Variants in CSMD3 observed in about 807,000 individuals in gnomAD.
CSMD3 encodes the protein CUB and Sushi multiple domains 3.
A neutral mutation model predicts 435.2 loss-of-function variants in CSMD3; 177 were observed. That is an observed-to-expected ratio of 0.41 (90% confidence interval 0.36 to 0.46). CSMD3 has a LOEUF of 0.46. Among genes scored for constraint, CSMD3 ranks in the 20% least tolerant of loss-of-function variants. The pLI, the probability that CSMD3 is intolerant of heterozygous loss-of-function variation, is 0.34. For missense variants in CSMD3, 4,265 were observed against 4,504.6 expected (o/e 0.95, Z 1.52); for synonymous variants, 1,656 against 1,520.5 (o/e 1.09, Z -2.07).
intron 5 of CSMD3, among the ~76,000 whole-genome samples, chr8:113,037,157 AGTTATTC>A: frequency 6.6e-6 from 1 of 152,168 alleles, no homozygotes; most frequent in African/African-American, 2.4e-5. Context: ...TTTGTATTCC[AGTTATTC>A]TAAGAGAAGG....
intron 3 of CSMD3, among the ~76,000 whole-genome samples, chr8:113,258,730 G>A (rs566176514): frequency 1.3e-4 from 20 of 152,232 alleles, no homozygotes; most frequent in Middle Eastern, 3.4e-3. Flanking sequence ...GTTTTGAGTA[G>A]GGAAGCGTTA....
intron 32 of CSMD3, among the ~76,000 whole-genome samples, chr8:112,458,226 C>G (rs1158636022): frequency 3.3e-5 from 5 of 151,400 alleles, no homozygotes; most frequent in Admixed American, 2.0e-4. Flanking sequence ...CACACACACA[C>G]AGAGAAACAG....
At chr8:112,459,528 T>C (rs916218398) in intron 32 of CSMD3, among the ~76,000 whole-genome samples, 82 of 152,126 alleles carry the variant, frequency 5.4e-4, no homozygotes, top group African/African-American at 2.0e-3. Flanking sequence ...TGTCAGTACA[T>C]GTAAATGTTT....
intron 13 of CSMD3, among the ~76,000 whole-genome samples, chr8:112,722,332 T>C (rs928176026): frequency 6.6e-6 from 1 of 152,082 alleles, no homozygotes; most frequent in African/African-American, 2.4e-5. Flanking sequence ...TTGGGCAAAC[T>C]GGGTATATTG....
At chr8:112,958,300 T>A (rs891814125) in intron 7 of CSMD3, among the ~76,000 whole-genome samples, 1 of 152,196 alleles carries the variant, frequency 6.6e-6, no homozygotes, top group Admixed American at 6.5e-5. Context: ...GCTAAACAAT[T>A]TTTAATCATT....
intron 35 of CSMD3, among the ~76,000 whole-genome samples, chr8:112,405,468 A>G (rs1173150473): frequency 6.6e-6 from 1 of 151,136 alleles, no homozygotes; most frequent in African/African-American, 2.4e-5. Context: ...TTCTATGTCT[A>G]TGGAACTCTA....
At chr8:112,565,368 T>C (rs1261566621) in intron 24 of CSMD3, among the ~76,000 whole-genome samples, 3 of 152,160 alleles carry the variant, frequency 2.0e-5, no homozygotes, top group Non-Finnish European at 4.4e-5. Flanking sequence ...AGTCATCTGA[T>C]AATTTTTTAC....
chr8:112,842,581 C>T (rs185031463), intron 11 of CSMD3, among the ~76,000 whole-genome samples: 1 of 151,816 alleles, frequency 6.6e-6, no homozygotes, highest in Admixed American at 6.6e-5. Flanking sequence ...GTTCTTACTG[C>T]ATATCTCATA....
chr8:112,317,751 C>T (rs929090687), intron 47 of CSMD3, among the ~76,000 whole-genome samples: 4 of 151,970 alleles, frequency 2.6e-5, no homozygotes, highest in Non-Finnish European at 4.4e-5. Flanking sequence ...ACCATCAAAG[C>T]CTCCTGCAAT....
chr8:112,410,168 A>G (rs918640303), intron 32 of CSMD3, among the ~76,000 whole-genome samples: 2 of 151,914 alleles, frequency 1.3e-5, no homozygotes, highest in African/African-American at 4.8e-5. Context: ...TATGGCAAAC[A>G]AAGCTATATG....
chr8:113,203,894 T>C (rs1305011589), intron 3 of CSMD3, among the ~76,000 whole-genome samples: 8 of 152,140 alleles, frequency 5.3e-5, no homozygotes, highest in Admixed American at 2.6e-4. Flanking sequence ...TTCATAAGTA[T>C]GCATCTATTT....
intron 1 of CSMD3, among the ~76,000 whole-genome samples, chr8:113,375,879 A>G (rs984148295): frequency 6.6e-6 from 1 of 152,316 alleles, no homozygotes; most frequent in East Asian, 1.9e-4. Flanking sequence ...AAAACTTAAA[A>G]TAAGTATCAG....
intron 32 of CSMD3, among the ~76,000 whole-genome samples, chr8:112,467,629 G>A (rs1818092014): frequency 6.6e-6 from 1 of 152,140 alleles, no homozygotes; most frequent in African/African-American, 2.4e-5. Context: ...CAGGGATTTT[G>A]CAGATGTGAT....
chr8:112,820,400 A>C (rs2079495899), intron 12 of CSMD3, among the ~76,000 whole-genome samples: 1 of 152,138 alleles, frequency 6.6e-6, no homozygotes, highest in Non-Finnish European at 1.5e-5. Flanking sequence ...TCACTACCTA[A>C]AAATTGTATA....
At chr8:112,253,609 C>T (rs1202053319) in intron 63 of CSMD3, among the ~76,000 whole-genome samples, 1 of 151,842 alleles carries the variant, frequency 6.6e-6, no homozygotes, top group Non-Finnish European at 1.5e-5. Context: ...CACTTTGGCT[C>T]CCCTTGGATC....
chr8:112,710,827 G>A (rs1298308693), intron 13 of CSMD3, among the ~76,000 whole-genome samples: 3 of 150,632 alleles, frequency 2.0e-5, no homozygotes, highest in Non-Finnish European at 3.0e-5. Context: ...CTTTTGTTGA[G>A]AGATTTTGAC....
In CSMD3 at chr8:112,425,211, T is replaced by A. The variant is rs549603058; in HGVS notation, c.5396-16179A>T. On this transcript the variant is annotated intron_variant, in intron 32 of 70. Transcript: ENST00000297405. ...ATGATATTCCAAAATAGATAAGACA[T>A]CCTGAAAAGCTTTGTGAAAGAGTCA... 2.6e-5 allele frequency among the ~76,000 whole-genome samples: 4 copies of A among 152,306 alleles called. 1 individual carries two copies. Among genetic ancestry groups the A allele is most frequent in the African/African-American group, 7.2e-5 (3 of 41,574 alleles).
At position 112,390,788 on chromosome 8, in the gene CSMD3, A is replaced by G. The variant is rs1830346324; in HGVS notation, c.5810T>C (p.Val1937Ala). 2 of 1,613,532 alleles carry G rather than the reference A, an allele frequency of 1.2e-6. No individual in the cohort carries two copies. The highest frequency in any genetic ancestry group is 1.7e-6 in the Non-Finnish European group (2 of 1,179,474). Residue 1937 changes from valine to alanine, a missense_variant and splice_region_variant, in exon 36 of 71, where the codon GTG (valine) becomes GCG (alanine). By Grantham distance (64) the Val-to-Ala change is moderately conservative. Around this residue, in one of 3 missense-constraint regions of CSMD3, gnomAD observed 3,255 missense variants for 3,380.2 expected, o/e 0.96. Transcript: ENST00000297405. ...CTTAGTTAAAATTCCACCACAGGGC[A>G]CTGAAAATAAAGCAGTCCAAGAGAG... ...QWNDSLPTCIVPCGGILTKRK... is the reference protein window; with the variant it reads ...QWNDSLPTCIAPCGGILTKRK...
chr8:113,315,213 T>C (rs2093900136), intron 1 of CSMD3, among the ~76,000 whole-genome samples: 1 of 152,156 alleles, frequency 6.6e-6, no homozygotes, highest in Admixed American at 6.6e-5. Flanking sequence ...ATTAACTCCA[T>C]TTTTCTTGGC....
Sources: gnomAD v4.1 joint callset for allele counts (sites outside exome capture counted in the v4.1 genomes callset) on GRCh38, gnomAD v4.1.1 for gene constraint, gnomAD v4.1.1 regional missense constraint, MANE v1.5 for transcripts, NCBI Gene and HGNC (gene_info 2026-07-23, HGNC 2026-07-21) for gene names.